The following EXT1 variants were observed in gnomAD, a reference collection of about 807,000 sequenced individuals.
EXT1 encodes the protein exostosin glycosyltransferase 1.
Under a neutral mutation model 82.5 loss-of-function variants are expected in EXT1, and 20 were observed. The ratio of observed to expected loss-of-function variants is 0.24; its 90% CI spans 0.17 to 0.35. EXT1 has a LOEUF of 0.35. EXT1 is among the 10% of genes least tolerant of loss of function. The pLI is 1.00. For synonymous variants in EXT1, 348 were observed against 350.8 expected (o/e 0.99, Z 0.09); for missense variants, 757 against 936.5 (o/e 0.81, Z 2.50).
chr8:118,028,957 A>C (rs1776149599), intron 1 of EXT1, among the ~76,000 whole-genome samples: 1 of 152,200 alleles, frequency 6.6e-6, no homozygotes, highest in Admixed American at 6.5e-5. Context: ...CCATAAAGCA[A>C]TGAATAATAC....
chr8:117,833,839 A>G (rs1347191074), intron 3 of EXT1, among the ~76,000 whole-genome samples: 2 of 152,232 alleles, frequency 1.3e-5, no homozygotes, highest in Non-Finnish European at 1.5e-5. Context: ...AAAAGGCTAC[A>G]TGGACAAGCA....
At chr8:117,847,441 C>T (rs956030968) in intron 1 of EXT1, among the ~76,000 whole-genome samples, 7 of 151,452 alleles carry the variant, frequency 4.6e-5, no homozygotes, top group South Asian at 2.1e-4. Context: ...TCATTTTCTC[C>T]CTGCACGCTG....
At chr8:117,835,719 C>A (rs1171562654) in intron 2 of EXT1, among the ~76,000 whole-genome samples, 168 bp from the exon 3 acceptor site, 1 of 152,158 alleles carries the variant, frequency 6.6e-6, no homozygotes, top group African/African-American at 2.4e-5. Flanking sequence ...TCAAGTCACA[C>A]GAAGGTTGTA....
At chr8:117,813,847 A>T (rs1290898461) in intron 7 of EXT1, among the ~76,000 whole-genome samples, 1 of 151,972 alleles carries the variant, frequency 6.6e-6, no homozygotes, top group Non-Finnish European at 1.5e-5. Flanking sequence ...CTCTACTAAA[A>T]ATACAAAAAT....
intron 1 of EXT1, among the ~76,000 whole-genome samples, chr8:117,974,130 T>G (rs1439581292): frequency 6.6e-6 from 1 of 152,148 alleles, no homozygotes; most frequent in East Asian, 1.9e-4. Context: ...CAAAAATAAC[T>G]AGGTTTGATT....
intron 8 of EXT1, among the ~76,000 whole-genome samples, chr8:117,810,958 A>G (rs998268413): frequency 1.3e-5 from 2 of 152,196 alleles, no homozygotes; most frequent in Admixed American, 6.5e-5. Context: ...CTTGTAGAGC[A>G]GCCTCTCCAT....
At chr8:118,013,026 G>T in intron 1 of EXT1, among the ~76,000 whole-genome samples, 3 of 151,988 alleles carry the variant, frequency 2.0e-5, no homozygotes, top group Non-Finnish European at 4.4e-5. Flanking sequence ...CTACTTCTAT[G>T]TGTTCACTGA....
At chr8:118,008,668 T>C (rs1815831768) in intron 1 of EXT1, among the ~76,000 whole-genome samples, 1 of 152,324 alleles carries the variant, frequency 6.6e-6, no homozygotes, top group Admixed American at 6.5e-5. Context: ...TCCTATGGTA[T>C]TGGCAATAAA....
chr8:117,868,998 C>T (rs1046116917), intron 1 of EXT1, among the ~76,000 whole-genome samples: 10 of 152,112 alleles, frequency 6.6e-5, no homozygotes, highest in African/African-American at 1.2e-4. Context: ...AGGACCTCCC[C>T]GGAGCCAAGT....
At chr8:117,848,473 C>T in intron 1 of EXT1, among the ~76,000 whole-genome samples, 1 of 152,146 alleles carries the variant, frequency 6.6e-6, no homozygotes, top group East Asian at 1.9e-4. Context: ...CTCCCTGGCA[C>T]TCTCATTCTG....
intron 1 of EXT1, among the ~76,000 whole-genome samples, chr8:118,081,796 T>C (rs1817336577): frequency 1.3e-5 from 2 of 152,208 alleles, no homozygotes; most frequent in Admixed American, 1.3e-4. Flanking sequence ...CTACCACTAA[T>C]GTATTAACAG....
At chr8:118,087,206 G>A (rs995159264) in intron 1 of EXT1, among the ~76,000 whole-genome samples, 4 of 152,136 alleles carry the variant, frequency 2.6e-5, no homozygotes, top group Admixed American at 1.3e-4. Context: ...AATAATTTTC[G>A]TACTTCCCAC....
intron 1 of EXT1, among the ~76,000 whole-genome samples, chr8:118,072,966 A>AG (rs1398359114): frequency 2.6e-5 from 4 of 152,228 alleles, no homozygotes; most frequent in Admixed American, 2.0e-4. Flanking sequence ...AGACACGAGG[A>AG]GCACGATTAC....
chr8:117,877,890 G>A (rs1353982503), intron 1 of EXT1, among the ~76,000 whole-genome samples: 2 of 152,130 alleles, frequency 1.3e-5, no homozygotes, highest in Non-Finnish European at 2.9e-5. Context: ...AAGACTACTA[G>A]TATTTCAAGT....
intron 1 of EXT1, among the ~76,000 whole-genome samples, chr8:118,024,636 C>T (rs1029614579): frequency 5.9e-5 from 9 of 152,110 alleles, no homozygotes; most frequent in Non-Finnish European, 1.3e-4. Flanking sequence ...ACAAACTGTG[C>T]TAAATGCCCT....
At chr8:118,017,795 C>T (rs886230531) in intron 1 of EXT1, among the ~76,000 whole-genome samples, 3 of 152,174 alleles carry the variant, frequency 2.0e-5, no homozygotes, top group Non-Finnish European at 4.4e-5. Context: ...TAATTGGCTT[C>T]CCACAACCCT....
rs565696707 is a variant in EXT1 at position 117,945,917 on chromosome 8, T to C, written c.963-108716A>G. On this transcript the variant is annotated intron_variant, in intron 1 of 10. Coordinates refer to ENST00000378204, the MANE Select transcript of EXT1 (RefSeq NM_000127.3). ...ATGTTTTGTTTTTGTTTTGTTTTGTTTGAGATGCGAGTTTTGCTCCTTTTG... is the reference window on the plus strand; with the variant it reads ...ATGTTTTGTTTTTGTTTTGTTTTGTCTGAGATGCGAGTTTTGCTCCTTTTG... Among the ~76,000 whole-genome samples, 12 of 152,304 alleles carry C rather than the reference T, an allele frequency of 7.9e-5. No individual in the cohort carries two copies. The East Asian group carries it at 2.1e-3, about 27-fold the overall frequency.
intron 1 of EXT1, among the ~76,000 whole-genome samples, chr8:118,009,134 C>A (rs954639129): frequency 6.6e-6 from 1 of 152,170 alleles, no homozygotes; most frequent in African/African-American, 2.4e-5. Context: ...GTCCCAGAAG[C>A]CACATCGCAA....
At chr8:118,104,350 C>T (rs1326258867) in intron 1 of EXT1, among the ~76,000 whole-genome samples, 4 of 152,186 alleles carry the variant, frequency 2.6e-5, no homozygotes, top group African/African-American at 9.7e-5. Flanking sequence ...TATCCCTTAT[C>T]TAAAGAAAGT....
Sources: allele counts gnomAD v4.1 joint callset (sites outside exome capture counted in the v4.1 genomes callset), GRCh38; gene constraint gnomAD v4.1.1; transcripts MANE v1.5; gene names NCBI Gene and HGNC (gene_info 2026-07-23, HGNC 2026-07-21).